GALNT2: variants seen among roughly 807,000 people sequenced by gnomAD.
GALNT2 encodes UDP-GalNAc:polypeptide N-acetylgalactosaminyltransferase 2.
Under a neutral mutation model 81.4 loss-of-function variants are expected in GALNT2, and 31 were observed. That is an observed-to-expected ratio of 0.38 (90% CI 0.29 to 0.51). GALNT2 has a LOEUF of 0.51. Ranked by LOEUF, GALNT2 falls within the 20% of genes least tolerant of loss-of-function variation. The pLI is 0.87. For missense variants in GALNT2, 629 were observed against 765.7 expected, an observed-to-expected ratio of 0.82 and a Z score of 2.11; for synonymous variants, 303 against 287.4, an observed-to-expected ratio of 1.05 and a Z score of -0.55.
rs146898120 is a variant in GALNT2, at chr1:230,209,203, G to A, written c.374+5913G>A. Among the ~76,000 whole-genome samples, 146 of 152,244 alleles carry A rather than the reference G, an allele frequency of 9.6e-4. 3 individuals are homozygous for A. In the East Asian group the frequency reaches 0.021, roughly 22 times the overall value. ...CCCCACAGGAAGTCTCTGTCCCTCT[G>A]ACTAGCAGCCGCATGGAAGTATGAG... On this transcript the variant is annotated intron_variant, in intron 3 of 15. Transcript: ENST00000366672.
intron 1 of GALNT2, among the ~76,000 whole-genome samples, chr1:230,136,924 C>T (rs146731679): frequency 3.3e-4 from 50 of 152,328 alleles, no homozygotes; most frequent in Non-Finnish European, 6.3e-4. Flanking sequence ...CTCTGCTTCA[C>T]GGATGCTTTC....
chr1:230,262,357 A>G (rs1665902594), intron 11 of GALNT2: 1 of 502,962 alleles, frequency 2.0e-6, no homozygotes, highest in Non-Finnish European at 3.5e-6. Flanking sequence ...AGCCATTCCA[A>G]TGGTTCAGTA....
At chr1:230,217,317 G>A (rs1435029095) in intron 3 of GALNT2, among the ~76,000 whole-genome samples, 2 of 152,204 alleles carry the variant, frequency 1.3e-5, no homozygotes, top group African/African-American at 4.8e-5. Flanking sequence ...GAAGGGACGA[G>A]GGAGTGTGCG....
chr1:230,059,608 T>C (rs1658995908), intron 1 of GALNT2, among the ~76,000 whole-genome samples: 1 of 152,228 alleles, frequency 6.6e-6, no homozygotes, highest in African/African-American at 2.4e-5. Flanking sequence ...GGAATGTTTT[T>C]AGGTTTCTGC....
At chr1:230,125,141 C>G (rs773472536) in intron 1 of GALNT2, among the ~76,000 whole-genome samples, 2 of 152,228 alleles carry the variant, frequency 1.3e-5, no homozygotes, top group Non-Finnish European at 2.9e-5. Flanking sequence ...CCTGGTTATG[C>G]ATTGTTGGCT....
chr1:230,107,609 T>TG lies in GALNT2; in HGVS notation c.126+40203_126+40204insG, dbSNP rs1491162854. Among the ~76,000 whole-genome samples, 679 of 134,894 alleles carry TG rather than the reference T, an allele frequency of 5.0e-3. 7 individuals are homozygous for TG. Among genetic ancestry groups the TG allele is most frequent in the Non-Finnish European group, 5.6e-3 (363 of 65,190 alleles). The allele number at this position is 134,894 out of a possible 152,430, so 88.5% of individuals were successfully genotyped here. On this transcript the variant is annotated intron_variant, in intron 1 of 15. Coordinates refer to ENST00000366672, the MANE Select transcript of GALNT2 (RefSeq NM_004481.5). ...AAAATTCTCATTTCTTCTCATGGAC[T>TG]TTGTGTGTGTGTGTGTGTGTGTGTG...
At chr1:230,084,336 G>T (rs1659837643) in intron 1 of GALNT2, among the ~76,000 whole-genome samples, 1 of 152,198 alleles carries the variant, frequency 6.6e-6, no homozygotes, top group Non-Finnish European at 1.5e-5. Flanking sequence ...TGTGGGCGAG[G>T]CCTGTTGACC....
chr1:230,157,787 A>G (rs958851229), intron 1 of GALNT2, among the ~76,000 whole-genome samples: 7 of 152,210 alleles, frequency 4.6e-5, no homozygotes, highest in Non-Finnish European at 8.8e-5. Context: ...GCAAAACTAC[A>G]GAGAAAGCAG....
At chr1:230,113,161 G>A (rs537068413) in intron 1 of GALNT2, among the ~76,000 whole-genome samples, 8 of 152,266 alleles carry the variant, frequency 5.3e-5, no homozygotes, top group Middle Eastern at 3.4e-3. Context: ...GAGCCCCAGC[G>A]CTGGGCACAT....
chr1:230,090,743 T>G (rs1160328943), intron 1 of GALNT2, among the ~76,000 whole-genome samples: 2 of 152,236 alleles, frequency 1.3e-5, no homozygotes, highest in African/African-American at 2.4e-5. Flanking sequence ...ATTATTTTCT[T>G]CAAAAGATCT....
At chr1:230,130,174 C>T (rs927070295) in intron 1 of GALNT2, among the ~76,000 whole-genome samples, 1 of 152,200 alleles carries the variant, frequency 6.6e-6, no homozygotes, top group African/African-American at 2.4e-5. Flanking sequence ...ATTTGAAGAC[C>T]TTTCTCATCC....
chr1:230,086,940 C>T (rs752037954), intron 1 of GALNT2, among the ~76,000 whole-genome samples: 1 of 152,140 alleles, frequency 6.6e-6, no homozygotes, highest in African/African-American at 2.4e-5. Flanking sequence ...TACTCCTCTA[C>T]GAGATGGAGT....
intron 1 of GALNT2, among the ~76,000 whole-genome samples, chr1:230,101,793 T>A (rs10864690): frequency 0.4 from 60,100 of 152,070 alleles, 11,909 homozygotes; most frequent in South Asian, 0.53. Flanking sequence ...TCTTTCATCA[T>A]GAAACGTATA....
At chr1:230,091,339 G>T (rs1228977316) in intron 1 of GALNT2, among the ~76,000 whole-genome samples, 1 of 151,930 alleles carries the variant, frequency 6.6e-6, no homozygotes, top group African/African-American at 2.4e-5. Context: ...CTCCCAAAGT[G>T]CTGGGATTAC....
At chr1:230,089,329 G>T (rs931414311) in intron 1 of GALNT2, among the ~76,000 whole-genome samples, 1 of 151,712 alleles carries the variant, frequency 6.6e-6, no homozygotes, top group African/African-American at 2.4e-5. Context: ...GCGTGTGTGT[G>T]TGTGTGTTTT....
intron 3 of GALNT2, among the ~76,000 whole-genome samples, chr1:230,230,001 T>A (rs538933698): frequency 6.6e-6 from 1 of 152,282 alleles, no homozygotes; most frequent in East Asian, 1.9e-4. Context: ...TTATTTAAAA[T>A]TTTTTTAATC....
chr1:230,207,411 C>G (rs985792061), intron 3 of GALNT2, among the ~76,000 whole-genome samples: 1 of 152,010 alleles, frequency 6.6e-6, no homozygotes, highest in African/African-American at 2.4e-5. Flanking sequence ...CCCAAACAAA[C>G]AGACAAACAA....
At position 230,275,065 on chromosome 1, in the gene GALNT2, C is replaced by CGT. The variant is rs1491230782; in HGVS notation, c.1560+502_1560+503dup. On this transcript the variant is annotated intron_variant, in intron 15 of 15. Coordinates refer to ENST00000366672, the MANE Select transcript of GALNT2 (RefSeq NM_004481.5). The surrounding 1 kb of genome is among the most constrained non-coding windows in gnomAD (Gnocchi z 5.5). ...CACATATATACATGCCACATATATA[C>CGT]GTATATATATACACACCACATATAT... Among the ~76,000 whole-genome samples the CGT allele has an allele frequency of 7.6e-6, 1 of 131,656 alleles. No homozygotes were observed. The highest frequency in any genetic ancestry group is 1.8e-5 in the Non-Finnish European group (1 of 56,972). The allele number at this position is 131,656 out of a possible 152,430, so 86.4% of individuals were successfully genotyped here.
chr1:230,103,405 G>A (rs1218431469), intron 1 of GALNT2, among the ~76,000 whole-genome samples: 5 of 152,220 alleles, frequency 3.3e-5, no homozygotes, highest in Admixed American at 3.3e-4. Flanking sequence ...ATTAGCCACA[G>A]TGTTGAGCAC....
Sources: allele counts gnomAD v4.1 joint callset (sites outside exome capture counted in the v4.1 genomes callset), GRCh38; gene constraint gnomAD v4.1.1; non-coding constraint Gnocchi (gnomAD v3.1); transcripts MANE v1.5; gene names NCBI Gene and HGNC (gene_info 2026-07-23, HGNC 2026-07-21).